IGF2BP2: variants seen among roughly 807,000 people sequenced by gnomAD.
The protein encoded by IGF2BP2 is insulin-like growth factor 2 mRNA-binding protein 2.
Under a neutral mutation model 75.8 loss-of-function variants are expected in IGF2BP2, and 17 were observed. That is an observed-to-expected ratio of 0.22 (90% CI 0.15 to 0.34). The LOEUF is 0.34. IGF2BP2 is among the 10% of genes least tolerant of loss of function. The probability of loss-of-function intolerance (pLI) is 1.00; values close to 1 mark genes in which losing one functional copy is unlikely to be tolerated. For synonymous variants in IGF2BP2, 288 were observed against 295.6 expected (o/e 0.97, Z 0.26); for missense variants, 516 against 772.4 (o/e 0.67, Z 3.93).
At chr3:185,810,778 A>C (rs1488735817) in intron 2 of IGF2BP2, among the ~76,000 whole-genome samples, 6 of 134,778 alleles carry the variant, frequency 4.5e-5, no homozygotes, top group African/African-American at 1.7e-4. Flanking sequence ...TCTCAAAAAA[A>C]AAAACAACAA....
chr3:185,820,239 C>T (rs561760407), intron 2 of IGF2BP2, among the ~76,000 whole-genome samples: 1,331 of 58,678 alleles, frequency 0.023, 23 homozygotes, highest in African/African-American at 0.14. Context: ...TACACATACA[C>T]ACACACACAC....
intron 2 of IGF2BP2, among the ~76,000 whole-genome samples, chr3:185,742,598 G>T (rs1419585925): frequency 6.6e-6 from 1 of 151,520 alleles, no homozygotes; most frequent in African/African-American, 2.4e-5. Flanking sequence ...TTGAGGTTAC[G>T]GTGAGCTATG....
intron 12 of IGF2BP2, among the ~76,000 whole-genome samples, chr3:185,656,713 C>A (rs1173834185): frequency 6.6e-6 from 1 of 152,218 alleles, no homozygotes. Context: ...CCACACTGTG[C>A]TCAAGGAGGC....
At position 185,715,316 on chromosome 3, in the gene IGF2BP2, C is replaced by T. The variant is rs543019106; in HGVS notation, c.240-16969G>A. Among the ~76,000 whole-genome samples, 6 of 152,280 alleles carry T rather than the reference C, an allele frequency of 3.9e-5. No homozygotes were observed. In the South Asian group the frequency reaches 1.2e-3, roughly 32 times the overall value. On this transcript the variant is annotated intron_variant, in intron 2 of 15. Coordinates refer to ENST00000382199, the MANE Select transcript of IGF2BP2 (RefSeq NM_006548.6). ...AAGGCAAGAGAGCAGGCTGGACAGG[C>T]TGGCAAGAACCCATGGCAAAGACTT...
chr3:185,788,517 G>GTAA (rs960784000), intron 2 of IGF2BP2, among the ~76,000 whole-genome samples: 2 of 152,048 alleles, frequency 1.3e-5, no homozygotes, highest in African/African-American at 2.4e-5. Context: ...ATCTCTAAAA[G>GTAA]TAATAATAAT....
intron 2 of IGF2BP2, among the ~76,000 whole-genome samples, chr3:185,733,756 CAATAAT>C (rs1006790712): frequency 3.3e-5 from 5 of 150,756 alleles, no homozygotes; most frequent in Non-Finnish European, 7.4e-5. Flanking sequence ...AACTCCGCCT[CAATAAT>C]AATAATAATA....
intron 12 of IGF2BP2, 37 bp downstream of exon 12, chr3:185,657,249 G>T: frequency 7.0e-7 from 1 of 1,423,994 alleles, no homozygotes; most frequent in Non-Finnish European, 9.9e-7. Context: ...GAGAGGAGGT[G>T]GTAGAAGGGC....
chr3:185,787,794 T>C (rs1213696851), intron 2 of IGF2BP2, among the ~76,000 whole-genome samples: 1 of 152,050 alleles, frequency 6.6e-6, no homozygotes, highest in Admixed American at 6.6e-5. Flanking sequence ...GATGGGAAGC[T>C]GTAAAGACTG....
At chr3:185,653,120 C>T (rs765342751) in intron 12 of IGF2BP2, among the ~76,000 whole-genome samples, 7 of 151,834 alleles carry the variant, frequency 4.6e-5, no homozygotes, top group Admixed American at 6.6e-5. Context: ...TGAGCCACTG[C>T]GCCCAGCTTC....
At chr3:185,802,120 T>A (rs1262658846) in intron 2 of IGF2BP2, among the ~76,000 whole-genome samples, 1 of 151,928 alleles carries the variant, frequency 6.6e-6, no homozygotes, top group African/African-American at 2.4e-5. Context: ...CCATGGCACA[T>A]GTATACCTAT....
At chr3:185,712,201 A>G (rs1294044214) in intron 2 of IGF2BP2, among the ~76,000 whole-genome samples, 1 of 152,180 alleles carries the variant, frequency 6.6e-6, no homozygotes, top group Non-Finnish European at 1.5e-5. Context: ...TTTTTATTTA[A>G]TAGCACCCTG....
At chr3:185,757,528 G>T (rs182872817) in intron 2 of IGF2BP2, among the ~76,000 whole-genome samples, 2 of 139,750 alleles carry the variant, frequency 1.4e-5, no homozygotes, top group Admixed American at 1.6e-4. Context: ...GCAGTGGCAC[G>T]ATCATGGCTC....
At chr3:185,686,397 A>AT (rs1195529061) in intron 7 of IGF2BP2, among the ~76,000 whole-genome samples, 3 of 151,718 alleles carry the variant, frequency 2.0e-5, no homozygotes, top group African/African-American at 7.3e-5. Context: ...AAAAAAAAAA[A>AT]GGAGAGGGGG....
chr3:185,685,065 T>C (rs966285439), intron 7 of IGF2BP2, among the ~76,000 whole-genome samples: 3 of 152,040 alleles, frequency 2.0e-5, no homozygotes, highest in Admixed American at 1.3e-4. Flanking sequence ...TCAAGGAAGG[T>C]GGCTGGGCGC....
chr3:185,687,387 T>C (rs989545333), intron 6 of IGF2BP2, among the ~76,000 whole-genome samples, 196 bp from the exon 7 acceptor site: 1 of 152,194 alleles, frequency 6.6e-6, no homozygotes, highest in Non-Finnish European at 1.5e-5. Context: ...TTTTAATTAT[T>C]TGCAGCTTCA....
chr3:185,811,728 A>C (rs772905992), intron 2 of IGF2BP2, among the ~76,000 whole-genome samples: 9 of 152,156 alleles, frequency 5.9e-5, no homozygotes, highest in Non-Finnish European at 1.3e-4. Context: ...ATCTTACTAC[A>C]AAAGTTGTGT....
At chr3:185,770,366 A>G (rs1361470933) in intron 2 of IGF2BP2, among the ~76,000 whole-genome samples, 1 of 152,232 alleles carries the variant, frequency 6.6e-6, no homozygotes, top group Non-Finnish European at 1.5e-5. Flanking sequence ...TGATAGGAAA[A>G]GCAAAACCAA....
intron 2 of IGF2BP2, among the ~76,000 whole-genome samples, chr3:185,714,316 T>TTC (rs1725270519): frequency 6.6e-6 from 1 of 152,240 alleles, no homozygotes; most frequent in African/African-American, 2.4e-5. Context: ...CACAAGATGT[T>TTC]TCTAATCTTT....
intron 5 of IGF2BP2, among the ~76,000 whole-genome samples, chr3:185,689,923 C>A (rs1198023458): frequency 2.0e-5 from 3 of 149,838 alleles, no homozygotes; most frequent in Non-Finnish European, 4.4e-5. Flanking sequence ...AGCCGAGATC[C>A]TGCCACTGCA....
Sources: allele counts gnomAD v4.1 joint callset (sites outside exome capture counted in the v4.1 genomes callset), GRCh38; gene constraint gnomAD v4.1.1; transcripts MANE v1.5; gene names NCBI Gene and HGNC (gene_info 2026-07-23, HGNC 2026-07-21).